Variants in EFCAB7 observed in about 807,000 individuals in gnomAD.
EFCAB7 encodes the protein EF-hand calcium binding domain 7.
A neutral mutation model predicts 77.1 loss-of-function variants in EFCAB7; 66 were observed. The observed-to-expected ratio is 0.86, with a 90% CI of 0.70 to 1.05. EFCAB7 has a LOEUF of 1.05. EFCAB7 is among the 50% of genes least tolerant of loss of function. EFCAB7 has a pLI of 0.00. For synonymous variants in EFCAB7, 225 were observed against 243.3 expected (o/e 0.92, Z 0.70); for missense variants, 638 against 730.5 (o/e 0.87, Z 1.46).
At chr1:63,547,247 CATTT>C (rs990203094) in intron 7 of EFCAB7, 4 of 152,092 alleles carry the variant, frequency 2.6e-5, no homozygotes, top group African/African-American at 9.7e-5. Context: ...TTCCTTTATT[CATTT>C]ATTTATCAAA....
Position 63,556,612 on chromosome 1 carries a change from G to A in EFCAB7, c.1215-502G>A, listed in dbSNP as rs548229219. ...TTGAGATACTGTGGTTGTTCTAGAA[G>A]CTTTTTTATCTCATGTAATACTGGA... On this transcript the variant is annotated intron_variant, in intron 9 of 13. Transcript: ENST00000371088. Among the ~76,000 whole-genome samples the A allele has an allele frequency of 1.4e-3, 217 of 149,836 alleles. 1 individual carries two copies. Among genetic ancestry groups the A allele is most frequent in the Non-Finnish European group, 2.8e-3 (187 of 66,848 alleles).
chr1:63,557,295 G>A, intron 10 of EFCAB7, 48 bp downstream of exon 10: 2 of 1,508,976 alleles, frequency 1.3e-6, no homozygotes, highest in Non-Finnish European at 1.8e-6. Flanking sequence ...TATATATATA[G>A]CACCTTTTCA....
intron 6 of EFCAB7, among the ~76,000 whole-genome samples, chr1:63,535,179 T>G (rs1319735625): frequency 1.3e-5 from 2 of 152,088 alleles, no homozygotes; most frequent in South Asian, 2.1e-4. Flanking sequence ...TAAAGAGAGA[T>G]ATAAATAAAT....
chr1:63,532,608 C>T (rs1181681246), intron 3 of EFCAB7, 62 bp from the exon 4 acceptor site: 10 of 1,295,324 alleles, frequency 7.7e-6, no homozygotes, highest in Non-Finnish European at 1.1e-5. Flanking sequence ...CTTCCACTGT[C>T]CCCATGAATA....
chr1:63,573,322 C>T (rs577122650), downstream of EFCAB7, among the ~76,000 whole-genome samples: 4 of 152,090 alleles, frequency 2.6e-5, no homozygotes, highest in African/African-American at 9.6e-5. Context: ...TTAGAAGAAA[C>T]ATTTGTCTTA....
chr1:63,562,351 C>T (rs948618163), intron 11 of EFCAB7, among the ~76,000 whole-genome samples: 20 of 149,048 alleles, frequency 1.3e-4, no homozygotes, highest in Admixed American at 1.2e-3. Context: ...CTATTATCAT[C>T]ATTATTATCA....
chr1:63,545,235 T>C (rs578025195), intron 6 of EFCAB7, among the ~76,000 whole-genome samples: 1 of 152,104 alleles, frequency 6.6e-6, no homozygotes, highest in East Asian at 1.9e-4. Context: ...TTTTCTTACT[T>C]CTTCTTTACC....
intron 10 of EFCAB7, among the ~76,000 whole-genome samples, chr1:63,557,911 A>T (rs1570429050): frequency 1.3e-5 from 2 of 152,346 alleles, no homozygotes; most frequent in East Asian, 3.9e-4. Context: ...ACCAGAATTC[A>T]GTCAAGAGAG....
At chr1:63,582,374 A>G in the EFCAB7 span, among the ~76,000 whole-genome samples, 2 of 152,244 alleles carry the variant, frequency 1.3e-5, no homozygotes, top group Non-Finnish European at 2.9e-5. Flanking sequence ...TGCCATTTCA[A>G]GATAAATTAA....
At chr1:63,551,941 A>T (rs1646970686) in intron 8 of EFCAB7, 107 bp downstream of exon 8, 2 of 479,232 alleles carry the variant, frequency 4.2e-6, no homozygotes, top group Non-Finnish European at 6.9e-6. Context: ...TATACCTTCC[A>T]ATTAAGGTAT....
chr1:63,580,502 G>A, the EFCAB7 span, among the ~76,000 whole-genome samples: 1 of 152,072 alleles, frequency 6.6e-6, no homozygotes, highest in Non-Finnish European at 1.5e-5. Context: ...TTATATTCAG[G>A]TAACATGATT....
rs1049129515 is a variant in EFCAB7 at position 63,561,622 on chromosome 1, T to G, written c.1349-87T>G. The G allele has an allele frequency of 6.2e-6, 5 of 810,354 alleles. 1 individual carries two copies. The highest frequency in any genetic ancestry group is 7.0e-6 in the Non-Finnish European group (4 of 571,270). 50.2% of individuals were successfully genotyped at this position (810,354 alleles called of 1,614,324 possible). On this transcript the variant is annotated intron_variant, in intron 10 of 13. Coordinates refer to ENST00000371088, the MANE Select transcript of EFCAB7 (RefSeq NM_032437.4). ...TCATAGGCCTCTTTTAAAATAAATA[T>G]CTATGAATAATAATATATCATAGAC...
chr1:63,583,449 G>A, the EFCAB7 span, among the ~76,000 whole-genome samples: 1 of 152,108 alleles, frequency 6.6e-6, no homozygotes, highest in East Asian at 1.9e-4. Context: ...GCCAGTAAGC[G>A]ACCACCTTTT....
intron 6 of EFCAB7, among the ~76,000 whole-genome samples, chr1:63,537,647 C>G (rs1421184670): frequency 1.3e-5 from 2 of 152,132 alleles, no homozygotes; most frequent in Non-Finnish European, 2.9e-5. Context: ...ATTTTACCCT[C>G]CATAAATTAT....
chr1:63,538,079 CA>C (rs1646784061), intron 6 of EFCAB7, among the ~76,000 whole-genome samples: 1 of 152,018 alleles, frequency 6.6e-6, no homozygotes, highest in Non-Finnish European at 1.5e-5. Context: ...TTGTATATGA[CA>C]AATAAAGGAA....
chr1:63,562,442 AATTTATTTATAT>A (rs1557687144), intron 11 of EFCAB7, among the ~76,000 whole-genome samples: 1 of 43,952 alleles, frequency 2.3e-5, no homozygotes, highest in Admixed American at 3.1e-4. Flanking sequence ...AGGCCTTCTT[AATTTATTTATAT>A]ATATATATAT....
At chr1:63,532,101 C>A in intron 3 of EFCAB7, 70 bp downstream of exon 3, 2 of 1,087,496 alleles carry the variant, frequency 1.8e-6, no homozygotes, top group Non-Finnish European at 2.7e-6. Flanking sequence ...CTTTGACTAC[C>A]AAAGTCCACA....
chr1:63,551,898 GTA>G (rs1646970277), intron 8 of EFCAB7, 64 bp downstream of exon 8: 1 of 975,228 alleles, frequency 1.0e-6, no homozygotes, highest in Admixed American at 3.1e-5. Flanking sequence ...TTTGGGGAAA[GTA>G]TGTTTCTGTA....
chr1:63,524,596 G>A (rs1646547216), intron 1 of EFCAB7, among the ~76,000 whole-genome samples: 1 of 152,168 alleles, frequency 6.6e-6, no homozygotes, highest in Non-Finnish European at 1.5e-5. Flanking sequence ...CAATTTATTA[G>A]GTTGGAGATC....
Sources: allele counts gnomAD v4.1 joint callset (sites outside exome capture counted in the v4.1 genomes callset), GRCh38; gene constraint gnomAD v4.1.1; transcripts MANE v1.5; gene names NCBI Gene and HGNC (gene_info 2026-07-23, HGNC 2026-07-21).